The following PREX2 variants were observed in gnomAD, a reference collection of about 807,000 sequenced individuals.
The protein encoded by PREX2 is phosphatidylinositol-3,4,5-trisphosphate dependent Rac exchange factor 2, also known as phosphatidylinositol 3,4,5-trisphosphate-dependent Rac exchanger 2 protein.
Under a neutral mutation model 203.2 loss-of-function variants are expected in PREX2, and 107 were observed. That is an observed-to-expected ratio of 0.53 (90% CI 0.45 to 0.62). The LOEUF (loss-of-function observed/expected upper bound fraction) is 0.62. Ranked by LOEUF, PREX2 falls within the 20% of genes least tolerant of loss-of-function variation. The pLI is 0.00. For missense variants in PREX2, 1,777 were observed against 1,955.9 expected (o/e 0.91, Z 1.72); for synonymous variants, 672 against 663.6 (o/e 1.01, Z -0.19).
chr8:68,127,442 T>G, intron 31 of PREX2, 23 bp downstream of exon 31: 2 of 1,574,320 alleles, frequency 1.3e-6, no homozygotes, highest in Non-Finnish European at 1.7e-6. Context: ...ATTTTATTTT[T>G]TTTTACTATT....
At chr8:68,213,244 A>G (rs183428946) in intron 37 of PREX2, among the ~76,000 whole-genome samples, 23 of 152,306 alleles carry the variant, frequency 1.5e-4, no homozygotes, top group African/African-American at 3.8e-4. Context: ...GCTACCCAAC[A>G]TGACAGAAGG....
intron 34 of PREX2, among the ~76,000 whole-genome samples, chr8:68,150,578 G>A (rs1811413654): frequency 6.6e-6 from 1 of 152,136 alleles, no homozygotes; most frequent in African/African-American, 2.4e-5. Context: ...GGTGCCAAAC[G>A]TATTCCTTCT....
Position 68,110,843 on chromosome 8 carries a change from T to C in PREX2, c.3146+1220T>C, listed in dbSNP as rs1356677846. On this transcript the variant is annotated intron_variant, in intron 25 of 39. Transcript: ENST00000288368. ...TATTTACTTTGCTAATTTTCTGAAG[T>C]TTTATGAGTGATTTAGAATTAAGAT... is the stretch of plus-strand genomic sequence containing the variant. 3 of 296,414 alleles carry C rather than the reference T, an allele frequency of 1.0e-5. No homozygotes were observed. The Admixed American group carries it at 1.3e-4, about 13-fold the overall frequency. 18.4% of individuals were successfully genotyped at this position (296,414 alleles called of 1,614,324 possible). A position where few individuals can be genotyped will look rare whatever the true frequency, so the allele number is the denominator to read the frequency against.
chr8:68,182,541 G>A (rs192053591), intron 35 of PREX2, among the ~76,000 whole-genome samples: 2 of 152,098 alleles, frequency 1.3e-5, no homozygotes, highest in East Asian at 3.9e-4. Flanking sequence ...TCTTAAAAAT[G>A]TACATAATGA....
chr8:68,121,064 C>T lies in PREX2; in HGVS notation c.3724+15C>T. 6.2e-7 allele frequency: 1 copy of T among 1,612,124 alleles called. No individual in the cohort carries two copies. The highest frequency in any genetic ancestry group is 2.2e-5 in the East Asian group (1 of 44,834). On this transcript the variant is annotated intron_variant, in intron 30 of 39. Coordinates refer to ENST00000288368, the MANE Select transcript of PREX2 (RefSeq NM_024870.4). ...ATTTGTTGAAGGTCAGCATGAAAAG[C>T]AAAGAACATTGCATGATATTAGCAA... is the stretch of plus-strand genomic sequence containing the variant.
intron 37 of PREX2, among the ~76,000 whole-genome samples, chr8:68,207,141 A>G (rs570388688): frequency 2.0e-5 from 3 of 152,274 alleles, no homozygotes; most frequent in African/African-American, 7.2e-5. Flanking sequence ...ATGCTCTAAT[A>G]TATATATATT....
At chr8:68,094,031 G>A (rs935238265) in intron 21 of PREX2, among the ~76,000 whole-genome samples, 1 of 152,180 alleles carries the variant, frequency 6.6e-6, no homozygotes, top group Non-Finnish European at 1.5e-5. Flanking sequence ...TATAGGTTAA[G>A]GGACTTGCTC....
rs545859632 is a variant in PREX2, at chr8:68,009,045, A to G, written c.142-8801A>G. On this transcript the variant is annotated intron_variant, in intron 1 of 39. Coordinates refer to ENST00000288368, the MANE Select transcript of PREX2 (RefSeq NM_024870.4). ...AAACCAATTTATAAATCTTTCTTTT[A>G]TACCTCATGGATTGCACAGTGAGTT... Among the ~76,000 whole-genome samples, 113 of 152,318 alleles carry G rather than the reference A, an allele frequency of 7.4e-4. 4 individuals carry two copies. The South Asian group carries it at 0.021, about 28-fold the overall frequency.
chr8:68,068,968 A>G (rs1809102888), intron 11 of PREX2, 65 bp from the exon 12 acceptor site: 1 of 613,748 alleles, frequency 1.6e-6, no homozygotes, highest in African/African-American at 2.0e-5. Flanking sequence ...TAATAAATTT[A>G]TTTGCTGTTT....
intron 34 of PREX2, among the ~76,000 whole-genome samples, chr8:68,156,661 C>T (rs866854827): frequency 2.3e-4 from 35 of 152,198 alleles, no homozygotes; most frequent in African/African-American, 8.2e-4. Flanking sequence ...GTGACTAAAT[C>T]TGAAAGAGGT....
At chr8:67,995,100 C>A (rs200944987) in intron 1 of PREX2, among the ~76,000 whole-genome samples, 1 of 151,726 alleles carries the variant, frequency 6.6e-6, no homozygotes, top group African/African-American at 2.4e-5. Flanking sequence ...CATGGTGTAC[C>A]TTTATATTCA....
At chr8:68,146,647 T>C (rs1811332196) in intron 34 of PREX2, among the ~76,000 whole-genome samples, 1 of 152,126 alleles carries the variant, frequency 6.6e-6, no homozygotes, top group Non-Finnish European at 1.5e-5. Context: ...GTAAAATCAT[T>C]ACAGTTTCAT....
At chr8:68,154,639 A>G (rs1319784091) in intron 34 of PREX2, among the ~76,000 whole-genome samples, 1 of 152,234 alleles carries the variant, frequency 6.6e-6, no homozygotes, top group Non-Finnish European at 1.5e-5. Context: ...GTGTGTATTC[A>G]GGACCAGAAT....
intron 34 of PREX2, 86 bp from the exon 35 acceptor site, chr8:68,157,236 T>TAA (rs1811558950): frequency 1.6e-6 from 1 of 611,790 alleles, no homozygotes; most frequent in African/African-American, 1.9e-5. Context: ...ATTTGCTAAA[T>TAA]TTACTAATAA....
intron 34 of PREX2, among the ~76,000 whole-genome samples, chr8:68,151,780 T>G (rs117399907): frequency 0.052 from 7,704 of 148,120 alleles, 265 homozygotes; most frequent in Non-Finnish European, 0.076. Flanking sequence ...TTTAACCTCC[T>G]ATGAAAAAAA....
At chr8:68,135,099 T>TTGTGTGTGTG (rs9298129) in intron 32 of PREX2, among the ~76,000 whole-genome samples, 11,776 of 148,854 alleles carry the variant, frequency 0.079, 632 homozygotes, top group East Asian at 0.17. Flanking sequence ...AAAACAAATT[T>TTGTGTGTGTG]TGTGTGTGTG....
intron 1 of PREX2, among the ~76,000 whole-genome samples, chr8:67,976,658 C>CAGAGAGAGAGAGAT (rs1806112362): frequency 2.2e-5 from 1 of 45,120 alleles, no homozygotes; most frequent in African/African-American, 1.1e-4. Flanking sequence ...GAGAGAGAGA[C>CAGAGAGAGAGAGAT]GGGAGAGAGA....
At chr8:68,061,838 C>T (rs1260910847) in intron 11 of PREX2, among the ~76,000 whole-genome samples, 1 of 152,056 alleles carries the variant, frequency 6.6e-6, no homozygotes, top group Non-Finnish European at 1.5e-5. Context: ...CAAGGGAGTA[C>T]TAGACTCCTG....
intron 3 of PREX2, among the ~76,000 whole-genome samples, chr8:68,021,628 A>G (rs1200181243): frequency 6.6e-6 from 1 of 152,212 alleles, no homozygotes; most frequent in African/African-American, 2.4e-5. Context: ...ATGGATTCAT[A>G]TACCTGGACC....
Sources: allele counts gnomAD v4.1 joint callset (sites outside exome capture counted in the v4.1 genomes callset), GRCh38; gene constraint gnomAD v4.1.1; transcripts MANE v1.5; gene names NCBI Gene and HGNC (gene_info 2026-07-23, HGNC 2026-07-21).